CNTN5: variants seen among roughly 807,000 people sequenced by gnomAD.
The protein encoded by CNTN5 is contactin-5.
A neutral mutation model predicts 129.1 loss-of-function variants in CNTN5; 77 were observed. That is an observed-to-expected ratio of 0.60 (90% CI 0.50 to 0.72). The LOEUF is 0.72. CNTN5 is among the 30% of genes least tolerant of loss of function. CNTN5 has a pLI of 0.00. For missense variants in CNTN5, 1,478 were observed against 1,328.8 expected (o/e 1.11, Z -1.75); for synonymous variants, 509 against 465.6 (o/e 1.09, Z -1.20).
At chr11:99,751,029 AGATGTTCATCCCTCAC>A (rs1468973284) in intron 3 of CNTN5, among the ~76,000 whole-genome samples, 1 of 152,164 alleles carries the variant, frequency 6.6e-6, no homozygotes, top group Non-Finnish European at 1.5e-5. Context: ...GAAGGAAGTG[AGATGTTCATCCCTCAC>A]GATTATAACT....
At chr11:99,660,686 C>A (rs182467907) in intron 3 of CNTN5, among the ~76,000 whole-genome samples, 9 of 152,038 alleles carry the variant, frequency 5.9e-5, no homozygotes, top group African/African-American at 1.9e-4. Flanking sequence ...ATGGTTCTTA[C>A]GCTAGAGGAG....
At chr11:99,593,754 C>A (rs935380105) in intron 3 of CNTN5, among the ~76,000 whole-genome samples, 1 of 152,222 alleles carries the variant, frequency 6.6e-6, no homozygotes, top group Non-Finnish European at 1.5e-5. Flanking sequence ...ACCTCTCCTT[C>A]TTCTGTGTTT....
chr11:100,000,087 G>C (rs971376322), intron 8 of CNTN5, among the ~76,000 whole-genome samples: 2 of 151,748 alleles, frequency 1.3e-5, no homozygotes, highest in African/African-American at 2.4e-5. Context: ...CAGCACACCA[G>C]CATGGCACAT....
chr11:99,432,711 C>T (rs968363971), intron 2 of CNTN5, among the ~76,000 whole-genome samples: 1 of 151,230 alleles, frequency 6.6e-6, no homozygotes, highest in Non-Finnish European at 1.5e-5. Context: ...AATGAGTGAG[C>T]CAGAAAATAG....
At chr11:99,462,569 T>C (rs1944754934) in intron 2 of CNTN5, among the ~76,000 whole-genome samples, 1 of 152,112 alleles carries the variant, frequency 6.6e-6, no homozygotes. Context: ...ATATTTGAAG[T>C]TAATTCATCT....
At chr11:100,091,100 T>G (rs1944763753) in intron 13 of CNTN5, among the ~76,000 whole-genome samples, 1 of 152,132 alleles carries the variant, frequency 6.6e-6, no homozygotes, top group Admixed American at 6.5e-5. Context: ...TTTCTCTTTG[T>G]CCCATTCCCG....
At chr11:99,903,316 C>A (rs558721517) in intron 6 of CNTN5, among the ~76,000 whole-genome samples, 2 of 151,380 alleles carry the variant, frequency 1.3e-5, no homozygotes, top group Non-Finnish European at 2.9e-5. Flanking sequence ...TAACCAAAAC[C>A]GTAACCATAG....
chr11:100,202,912 T>C lies in CNTN5; in HGVS notation c.1884+9249T>C, dbSNP rs1443566093. On this transcript the variant is annotated intron_variant, in intron 15 of 24. Transcript: ENST00000524871. ...CTTAAAACTTCATTGCCATGAACGA[T>C]GTTCCAAATCTGATTTGCTGTTGTA... Among the ~76,000 whole-genome samples, 5 of 152,160 alleles carry C rather than the reference T, an allele frequency of 3.3e-5. No individual in the cohort carries two copies. In the East Asian group the frequency reaches 7.7e-4, roughly 24 times the overall value.
At chr11:100,004,720 A>G (rs1181794196) in intron 9 of CNTN5, among the ~76,000 whole-genome samples, 2 of 152,174 alleles carry the variant, frequency 1.3e-5, no homozygotes, top group East Asian at 3.9e-4. Context: ...GTAATCCTGA[A>G]GGAGCAAGTG....
intron 3 of CNTN5, among the ~76,000 whole-genome samples, chr11:99,765,896 A>G (rs1328285879): frequency 2.6e-5 from 4 of 152,000 alleles, no homozygotes; most frequent in Non-Finnish European, 5.9e-5. Flanking sequence ...CTAGAGTCAA[A>G]TAATACAATC....
chr11:100,127,314 C>G (rs1205168859), intron 13 of CNTN5, among the ~76,000 whole-genome samples: 1 of 151,824 alleles, frequency 6.6e-6, no homozygotes, highest in Non-Finnish European at 1.5e-5. Context: ...ATGACACATT[C>G]CTTTAGCAGT....
At chr11:99,930,459 C>G (rs985746457) in intron 7 of CNTN5, among the ~76,000 whole-genome samples, 13 of 151,954 alleles carry the variant, frequency 8.6e-5, no homozygotes, top group Non-Finnish European at 1.6e-4. Context: ...ATGTTCCTTC[C>G]CCTCGTGCCA....
intron 1 of CNTN5, among the ~76,000 whole-genome samples, chr11:99,057,364 A>G (rs1864663562): frequency 1.3e-5 from 2 of 152,044 alleles, no homozygotes; most frequent in Admixed American, 1.3e-4. Flanking sequence ...GTTTGGCCTT[A>G]TAATAAATAA....
intron 3 of CNTN5, among the ~76,000 whole-genome samples, chr11:99,566,161 T>C (rs1409254059): frequency 1.3e-5 from 2 of 152,226 alleles, no homozygotes; most frequent in East Asian, 1.9e-4. Context: ...GGTGCCCTCC[T>C]CTTGGTAATG....
At chr11:99,639,204 T>C (rs1399232763) in intron 3 of CNTN5, among the ~76,000 whole-genome samples, 2 of 152,166 alleles carry the variant, frequency 1.3e-5, no homozygotes, top group African/African-American at 4.8e-5. Flanking sequence ...CATTGGCCTT[T>C]TCAGCCACAC....
At chr11:100,010,328 A>T (rs1031247270) in intron 9 of CNTN5, among the ~76,000 whole-genome samples, 4 of 152,036 alleles carry the variant, frequency 2.6e-5, no homozygotes, top group African/African-American at 7.3e-5. Flanking sequence ...TAAGGGGGGA[A>T]AAAAAGAATT....
chr11:99,874,730 A>C lies in CNTN5; in HGVS notation c.577+29468A>C, dbSNP rs562232565. Among the ~76,000 whole-genome samples the C allele has an allele frequency of 4.6e-5, 7 of 152,352 alleles. No homozygotes were observed. In the South Asian group the frequency reaches 1.5e-3, roughly 32 times the overall value. ...TCCCCTTTGTCAGTTCCAAGTCAAC[A>C]AATTGAATTATTTGAAGATGAACAA... On this transcript the variant is annotated intron_variant, in intron 6 of 24. Coordinates refer to ENST00000524871, the MANE Select transcript of CNTN5 (RefSeq NM_014361.4).
At chr11:100,151,650 TC>T (rs2138312037) in intron 13 of CNTN5, among the ~76,000 whole-genome samples, 1 of 152,268 alleles carries the variant, frequency 6.6e-6, no homozygotes, top group East Asian at 1.9e-4. Flanking sequence ...TCATACCAGG[TC>T]CTTAAATCTA....
At chr11:99,497,627 A>G (rs568754092) in intron 2 of CNTN5, among the ~76,000 whole-genome samples, 1 of 152,320 alleles carries the variant, frequency 6.6e-6, no homozygotes, top group South Asian at 2.1e-4. Context: ...AATGACATAC[A>G]TGTAGCTCAA....
Sources: allele counts gnomAD v4.1 joint callset (sites outside exome capture counted in the v4.1 genomes callset), GRCh38; gene constraint gnomAD v4.1.1; transcripts MANE v1.5; gene names NCBI Gene and HGNC (gene_info 2026-07-23, HGNC 2026-07-21).